The following TNNI3K variants were observed in gnomAD, a reference collection of about 807,000 sequenced individuals.
TNNI3K encodes TNNI3 interacting kinase, also known as serine/threonine-protein kinase TNNI3K.
Under a neutral mutation model 114.5 loss-of-function variants are expected in TNNI3K, and 140 were observed. That is an observed-to-expected ratio of 1.22 (90% CI 1.07 to 1.41). The LOEUF is 1.41. Ranked by LOEUF, TNNI3K falls within the 40% of genes most tolerant of loss-of-function variation. TNNI3K has a pLI of 0.00. For missense variants in TNNI3K, 1,125 were observed against 1,007.6 expected (o/e 1.12, Z -1.58); for synonymous variants, 347 against 347.5 (o/e 1.00, Z 0.02).
chr1:74,262,652 A>G (rs1409942881), intron 4 of TNNI3K, among the ~76,000 whole-genome samples: 1 of 152,122 alleles, frequency 6.6e-6, no homozygotes, highest in Non-Finnish European at 1.5e-5. Context: ...TTAAGAAACT[A>G]GAGAAAATTT....
chr1:74,261,390 C>T (rs537265746), intron 4 of TNNI3K, among the ~76,000 whole-genome samples: 44 of 151,962 alleles, frequency 2.9e-4, no homozygotes, highest in Non-Finnish European at 5.6e-4. Context: ...GAACTGAAGC[C>T]GCCAGTGTAA....
chr1:74,300,219 A>C (rs1237096060), intron 5 of TNNI3K, among the ~76,000 whole-genome samples: 1 of 152,218 alleles, frequency 6.6e-6, no homozygotes, highest in Non-Finnish European at 1.5e-5. Flanking sequence ...TTACTTGGCC[A>C]GAGATGCATT....
chr1:74,466,239 C>G (rs1374897237), intron 21 of TNNI3K, among the ~76,000 whole-genome samples: 1 of 152,200 alleles, frequency 6.6e-6, no homozygotes, highest in Non-Finnish European at 1.5e-5. Context: ...CCCACCAATT[C>G]TGGACACACT....
At chr1:74,505,571 C>T (rs894841360) in intron 23 of TNNI3K, among the ~76,000 whole-genome samples, 10 of 152,030 alleles carry the variant, frequency 6.6e-5, no homozygotes, top group African/African-American at 2.2e-4. Context: ...TTTTTTTCAC[C>T]TTTAACATCT....
intron 24 of TNNI3K, among the ~76,000 whole-genome samples, chr1:74,543,545 A>G (rs969268510): frequency 4.6e-5 from 7 of 152,192 alleles, no homozygotes; most frequent in Non-Finnish European, 7.3e-5. Flanking sequence ...GACAAAAGTC[A>G]CAGAGTCAGC....
intron 11 of TNNI3K, among the ~76,000 whole-genome samples, chr1:74,355,941 C>A (rs1294341440): frequency 6.6e-6 from 1 of 151,952 alleles, no homozygotes; most frequent in Non-Finnish European, 1.5e-5. Context: ...CATATTATAA[C>A]CATATAGGTC....
At chr1:74,536,669 A>G (rs1646664163) in intron 23 of TNNI3K, among the ~76,000 whole-genome samples, 1 of 152,128 alleles carries the variant, frequency 6.6e-6, no homozygotes, top group South Asian at 2.1e-4. Context: ...TACATCCACA[A>G]AATTACCCAT....
At chr1:74,245,384 C>T (rs1285500134) in intron 2 of TNNI3K, among the ~76,000 whole-genome samples, 1 of 152,102 alleles carries the variant, frequency 6.6e-6, no homozygotes, top group East Asian at 1.9e-4. Flanking sequence ...CCTTGAGAGC[C>T]ACAGGTAGCC....
intron 20 of TNNI3K, among the ~76,000 whole-genome samples, chr1:74,446,655 AG>A: frequency 6.7e-6 from 1 of 150,134 alleles, no homozygotes; most frequent in African/African-American, 2.5e-5. Context: ...GTTTTCTTCT[AG>A]GGTTTTTATG....
intron 5 of TNNI3K, among the ~76,000 whole-genome samples, chr1:74,323,826 G>A (rs1268038567): frequency 1.3e-5 from 2 of 152,098 alleles, no homozygotes; most frequent in Admixed American, 6.5e-5. Flanking sequence ...AGAATTACAG[G>A]AAACAAAGGA....
chr1:74,370,250 A>G (rs1257374212), intron 16 of TNNI3K, 38 bp from the exon 17 acceptor site: 1 of 1,514,060 alleles, frequency 6.6e-7, no homozygotes, highest in South Asian at 1.3e-5. Flanking sequence ...ATTCGTTTTG[A>G]CCATTTCATC....
chr1:74,410,044 T>G (rs1030327304), intron 17 of TNNI3K, among the ~76,000 whole-genome samples: 1 of 152,178 alleles, frequency 6.6e-6, no homozygotes, highest in Non-Finnish European at 1.5e-5. Flanking sequence ...AAAAAGATAG[T>G]TAAGCTGCAA....
At chr1:74,394,701 G>A (rs530817505) in intron 17 of TNNI3K, among the ~76,000 whole-genome samples, 4 of 152,320 alleles carry the variant, frequency 2.6e-5, no homozygotes, top group African/African-American at 9.6e-5. Flanking sequence ...GAGCTAAATA[G>A]GATTGCAATG....
At chr1:74,325,734 T>A (rs781644987) in intron 5 of TNNI3K, among the ~76,000 whole-genome samples, 10 of 152,078 alleles carry the variant, frequency 6.6e-5, no homozygotes, top group Non-Finnish European at 1.0e-4. Flanking sequence ...TTTAAAAAAT[T>A]GTCTACGAAG....
chr1:74,338,143 T>C (rs1304056168), intron 7 of TNNI3K, among the ~76,000 whole-genome samples: 1 of 152,030 alleles, frequency 6.6e-6, no homozygotes, highest in Non-Finnish European at 1.5e-5. Context: ...TTCTAGACAG[T>C]TTTCCAAAAT....
chr1:74,351,750 T>A (rs1199458405), intron 9 of TNNI3K, among the ~76,000 whole-genome samples: 4 of 152,242 alleles, frequency 2.6e-5, no homozygotes, highest in Non-Finnish European at 5.9e-5. Context: ...TTCTTCCAGT[T>A]GATCGCATCG....
At chr1:74,437,348 C>T (rs771923724) in intron 19 of TNNI3K, among the ~76,000 whole-genome samples, 2 of 152,168 alleles carry the variant, frequency 1.3e-5, no homozygotes, top group South Asian at 2.1e-4. Context: ...ACTAAGTTCT[C>T]ATTCCTATGG....
chr1:74,474,530 T>C (rs1396264574), intron 21 of TNNI3K, among the ~76,000 whole-genome samples: 1 of 152,184 alleles, frequency 6.6e-6, no homozygotes, highest in Non-Finnish European at 1.5e-5. Context: ...TCATTCATAC[T>C]CTTAGAGAAA....
chr1:74,486,216 A>AGAGG (rs1193307220), intron 21 of TNNI3K, among the ~76,000 whole-genome samples: 1 of 151,668 alleles, frequency 6.6e-6, no homozygotes, highest in African/African-American at 2.4e-5. Flanking sequence ...AGAGAGAGAG[A>AGAGG]GAGAGAGAGA....
Sources: allele counts gnomAD v4.1 joint callset (sites outside exome capture counted in the v4.1 genomes callset), GRCh38; gene constraint gnomAD v4.1.1; transcripts MANE v1.5; gene names NCBI Gene and HGNC (gene_info 2026-07-23, HGNC 2026-07-21).